Variants in CTSD observed in about 807,000 individuals in gnomAD.
The protein encoded by CTSD is cathepsin D.
A neutral mutation model predicts 43.6 loss-of-function variants in CTSD; 28 were observed. The observed-to-expected ratio is 0.64, with a 90% CI of 0.48 to 0.88. The LOEUF is 0.88. Ranked by LOEUF, CTSD falls within the 40% of genes least tolerant of loss-of-function variation. CTSD has a pLI of 0.00. For missense variants in CTSD, 485 were observed against 555.2 expected, an observed-to-expected ratio of 0.87 and a Z score of 1.27; for synonymous variants, 270 against 249.8, an observed-to-expected ratio of 1.08 and a Z score of -0.76.
chr11:1,763,491 C>T, intron 1 of CTSD: 1 of 407,930 alleles, frequency 2.5e-6, no homozygotes, highest in Non-Finnish European at 4.4e-6. Context: ...CCTCCCCCCG[C>T]CCCGCCCCGT....
At chr11:1,754,533 A>ATGGAGGGATGGAGGGATGGGG (rs1590904648) in intron 6 of CTSD, among the ~76,000 whole-genome samples, 2 of 18,944 alleles carry the variant, frequency 1.1e-4, no homozygotes, top group Non-Finnish European at 1.9e-4. Flanking sequence ...GAGGGGATGG[A>ATGGAGGGATGGAGGGATGGGG]GGGATGGAGG....
intron 5 of CTSD, among the ~76,000 whole-genome samples, chr11:1,757,084 C>G (rs1039878921): frequency 3.3e-5 from 5 of 152,258 alleles, no homozygotes; most frequent in Non-Finnish European, 5.9e-5. Flanking sequence ...GGACCCACAG[C>G]CTGGCCCGAG....
chr11:1,757,093 A>T (rs1158822758), intron 5 of CTSD, among the ~76,000 whole-genome samples: 1 of 152,198 alleles, frequency 6.6e-6, no homozygotes, highest in Non-Finnish European at 1.5e-5. Flanking sequence ...GCCTGGCCCG[A>T]GCCCCTCCCA....
intron 8 of CTSD, 52 bp downstream of exon 8, chr11:1,753,751 C>T (rs566126975): frequency 5.0e-6 from 8 of 1,606,802 alleles, no homozygotes; most frequent in Non-Finnish European, 6.8e-6. Flanking sequence ...GGAGCGTGCG[C>T]CCCCTCACCG....
intron 5 of CTSD, 89 bp downstream of exon 5, chr11:1,757,235 A>C (rs2133661772): frequency 9.4e-7 from 1 of 1,059,416 alleles, no homozygotes. Flanking sequence ...GGGAGGGGGC[A>C]GCACTGAGAG....
Position 1,759,096 on chromosome 11 carries a change from G to C in CTSD, c.353-9C>G, listed in dbSNP as rs1369399012. 1 of 1,596,690 alleles carries C rather than the reference G, an allele frequency of 6.3e-7. No homozygotes were observed. Among genetic ancestry groups the C allele is most frequent in the Non-Finnish European group, 8.6e-7 (1 of 1,164,218 alleles). On this transcript the variant is annotated splice_polypyrimidine_tract_variant and intron_variant, in intron 3 of 8. Coordinates refer to ENST00000236671, the MANE Select transcript of CTSD (RefSeq NM_001909.5). ...GTACTTGTGGTGGATCCCTGCCCCG[G>C]GCGACAAGGGGGCCCGCCGGTCATC...
rs370282882 is a variant in CTSD, at chr11:1,753,896, C to T, written c.978G>A (p.Met326Ile). The T allele has an allele frequency of 6.8e-6, 11 of 1,613,272 alleles. No individual in the cohort carries two copies. The highest frequency in any genetic ancestry group is 2.7e-5 in the African/African-American group (2 of 74,898). ...GGGTGGACACCTTCTCACAGGGGAT[C>T]ATGTACTAAGAGGGGTCACAGCAGT... ...GAVPLIQGEY[M>I]IPCEKVSTLP... Residue 326 changes from methionine (M) to isoleucine (I), a missense_variant, in exon 8 of 9, where the codon ATG becomes ATA. By Grantham distance (10) the Met-to-Ile change is conservative. Coordinates refer to ENST00000236671, the MANE Select transcript of CTSD (RefSeq NM_001909.5).
chr11:1,762,883 C>G (rs891039950), intron 1 of CTSD: 1 of 152,354 alleles, frequency 6.6e-6, no homozygotes, highest in African/African-American at 2.4e-5. Flanking sequence ...ACCCAGCTGG[C>G]CCAGCCAGCT....
At position 1,753,511 on chromosome 11, in the gene CTSD, G is replaced by A. The variant is rs766987476; in HGVS notation, c.1231C>T (p.Arg411Cys). 12 of 1,612,846 alleles carry A rather than the reference G, an allele frequency of 7.4e-6. No individual in the cohort carries two copies. Among genetic ancestry groups the A allele is most frequent in the South Asian group, 3.3e-5 (3 of 91,096 alleles). Residue 411 changes from arginine (R) to cysteine (C), a missense_variant, in exon 9 of 9, where the codon CGC becomes TGC. Transcript: ENST00000236671. ...CGCGGACGCCTTGGGAACTAGAGGCGGGCAGCCTCGGCGAAGCCCACCCTG... is the reference window on the plus strand; with the variant it reads ...CGCGGACGCCTTGGGAACTAGAGGCAGGCAGCCTCGGCGAAGCCCACCCTG... ...NNRVGFAEAA[R>C]L is the part of the protein sequence containing the mutation.
chr11:1,763,202 C>G (rs1327066765), intron 1 of CTSD: 1 of 152,798 alleles, frequency 6.5e-6, no homozygotes, highest in Non-Finnish European at 1.5e-5. Flanking sequence ...CTCACTACAG[C>G]ACAACCCCAG....
At chr11:1,756,574 C>T (rs947060447) in intron 5 of CTSD, among the ~76,000 whole-genome samples, 2 of 152,170 alleles carry the variant, frequency 1.3e-5, no homozygotes, top group African/African-American at 2.4e-5. Context: ...GGCAGGAGGC[C>T]GCCGGCTGAC....
In CTSD at chr11:1,763,907, A is replaced by C. The variant is rs1411558572; in HGVS notation, c.-48T>G. On this transcript the variant is annotated 5_prime_UTR_variant, in exon 1 of 9. Coordinates refer to ENST00000236671, the MANE Select transcript of CTSD (RefSeq NM_001909.5). The stretch of plus-strand genomic sequence containing the variant: ...AGGGTCGCCGAGGCCGTGCGCTTAT[A>C]GCCGGGATGACGCCGCAGTTGGGCC... 1.3e-6 allele frequency: 2 copies of C among 1,482,160 alleles called. No individual in the cohort carries two copies. Among genetic ancestry groups the C allele is most frequent in the East Asian group, 2.7e-5 (1 of 37,128 alleles). The allele number at this position is 1,482,160 out of a possible 1,614,324, so 91.8% of individuals were successfully genotyped here.
Position 1,757,497 on chromosome 11 carries a change from C to T in CTSD, c.531G>A (p.Gln177=), listed in dbSNP as rs1845824196. The stretch of plus-strand genomic sequence containing the variant: ...GCTGCTTGGTGGCCTCCCCAAAGAC[C>T]TGCCTCTCCACTTTGACACCGCCCA... ...SALGGVKVER[Q]VFGEATKQPG... The change falls in exon 5 of 9, where the codon CAG becomes CAA. Residue 177 remains glutamine, a synonymous_variant. Coordinates refer to ENST00000236671, the MANE Select transcript of CTSD (RefSeq NM_001909.5). 1.9e-6 allele frequency: 3 copies of T among 1,613,814 alleles called. No homozygotes were observed. The African/African-American group carries it at 4.0e-5, about 22-fold the overall frequency.
chr11:1,761,627 C>A, intron 1 of CTSD, 159 bp from the exon 2 acceptor site: 1 of 800,926 alleles, frequency 1.2e-6, no homozygotes, highest in Non-Finnish European at 2.1e-6. Flanking sequence ...GGCCCAGCTC[C>A]CCCAAGTCAG....
chr11:1,754,598 G>A (rs1355190841), intron 6 of CTSD, among the ~76,000 whole-genome samples: 1 of 137,664 alleles, frequency 7.3e-6, no homozygotes, highest in Non-Finnish European at 1.6e-5. Context: ...GTCACAGAGG[G>A]ATGAGGGGAT....
chr11:1,754,358 G>GGAGGGATGGAGGGGATGGAGGGGCATA (rs1219998189), intron 6 of CTSD: 7,912 of 508,482 alleles, frequency 0.016, 639 homozygotes, highest in South Asian at 0.03. Context: ...TGAGGGGCAT[G>GGAGGGATGGAGGGGATGGAGGGGCATA]GAGGGATGGA....
chr11:1,763,871 C>T lies in CTSD; in HGVS notation c.-12G>A. On this transcript the variant is annotated 5_prime_UTR_variant, in exon 1 of 9. Transcript: ENST00000236671. Reference sequence around the variant, plus strand: ...CTGGAGGGCTGCATGGCGGCGGCGGCCGGGTCGGAGAGGGTCGCCGAGGCC... The same window carrying T: ...CTGGAGGGCTGCATGGCGGCGGCGGTCGGGTCGGAGAGGGTCGCCGAGGCC... 2.0e-6 allele frequency: 3 copies of T among 1,522,500 alleles called. No homozygotes were observed. Among genetic ancestry groups the T allele is most frequent in the Non-Finnish European group, 2.6e-6 (3 of 1,140,676 alleles). 94.3% of individuals were successfully genotyped at this position (1,522,500 alleles called of 1,614,324 possible).
At chr11:1,754,566 A>AG (rs1845783502) in intron 6 of CTSD, among the ~76,000 whole-genome samples, 9 of 82,146 alleles carry the variant, frequency 1.1e-4, no homozygotes, top group African/African-American at 3.8e-4. Context: ...GGAGGGATGG[A>AG]GGAGATGGAG....
chr11:1,753,421 T>G lies in CTSD; in HGVS notation c.*82A>C. ...GTGGGCGGGCGAGTGTGTGGGTGTG[T>G]GTGGGAGGGGCCGCTGGGCCAGGGG... On this transcript the variant is annotated 3_prime_UTR_variant, in exon 9 of 9. Coordinates refer to ENST00000236671, the MANE Select transcript of CTSD (RefSeq NM_001909.5). 1.3e-6 allele frequency: 2 copies of G among 1,528,050 alleles called. No homozygotes were observed. The highest frequency in any genetic ancestry group is 1.1e-5 in the South Asian group (1 of 89,132). 94.7% of individuals were successfully genotyped at this position (1,528,050 alleles called of 1,614,324 possible). A position where few individuals can be genotyped will look rare whatever the true frequency, so the allele number is the denominator to read the frequency against.
Sources: gnomAD v4.1 joint callset for allele counts (sites outside exome capture counted in the v4.1 genomes callset) on GRCh38, gnomAD v4.1.1 for gene constraint, MANE v1.5 for transcripts, NCBI Gene and HGNC (gene_info 2026-07-23, HGNC 2026-07-21) for gene names.